The following SAMD5 variants were observed in gnomAD, a reference collection of about 807,000 sequenced individuals.
SAMD5 encodes sterile alpha motif domain containing 5, also known as sterile alpha motif domain-containing protein 5.
Under a neutral mutation model 11.3 loss-of-function variants are expected in SAMD5, and 13 were observed. The observed-to-expected ratio is 1.15, with a 90% confidence interval of 0.75 to 1.83. The LOEUF (loss-of-function observed/expected upper bound fraction) is 1.83, where lower values mean the gene tolerates loss of function less well. Among genes scored for constraint, SAMD5 ranks in the 40% most tolerant of loss-of-function variants. SAMD5 has a pLI of 0.00. For synonymous variants in SAMD5, 129 were observed against 111.3 expected, an observed-to-expected ratio of 1.16 and a Z score of -1.00; for missense variants, 255 against 239.1, an observed-to-expected ratio of 1.07 and a Z score of -0.44.
rs560170776 is a variant in SAMD5 at position 147,678,106 on chromosome 6, A to C, written c.163-59211A>C. Among the ~76,000 whole-genome samples the C allele has an allele frequency of 9.2e-5, 14 of 152,302 alleles. No individual in the cohort carries two copies. In the South Asian group the frequency reaches 2.7e-3, roughly 29 times the overall value. ...ATATTTATAGATGCATTTTCCCATA[A>C]GATTGTCTTATTTTATACGCCTGAC... On this transcript the variant is annotated intron_variant, in intron 1 of 1. Coordinates refer to the SAMD5 transcript ENST00000566741.
At chr6:147,831,339 G>A in the SAMD5 span, among the ~76,000 whole-genome samples, 4 of 152,186 alleles carry the variant, frequency 2.6e-5, no homozygotes, top group Admixed American at 6.5e-5. Context: ...GTATATTTGA[G>A]CATATGTGAA....
chr6:147,628,625 T>C (rs1790093497), intron 1 of SAMD5, among the ~76,000 whole-genome samples: 2 of 152,172 alleles, frequency 1.3e-5, no homozygotes, highest in Non-Finnish European at 2.9e-5. Context: ...AAATCAATGC[T>C]TTTCAACAAT....
chr6:147,947,886 C>A, the SAMD5 span, among the ~76,000 whole-genome samples: 59 of 151,908 alleles, frequency 3.9e-4, no homozygotes, highest in Non-Finnish European at 6.3e-4. Context: ...CATAAAACTC[C>A]AGATAGAGGC....
chr6:147,643,112 C>T (rs1431978759), intron 1 of SAMD5, among the ~76,000 whole-genome samples: 1 of 152,124 alleles, frequency 6.6e-6, no homozygotes, highest in African/African-American at 2.4e-5. Flanking sequence ...CACTTTGACC[C>T]CTCTCTTTGA....
chr6:147,699,819 G>A (rs1371795028), intron 1 of SAMD5, among the ~76,000 whole-genome samples: 1 of 152,206 alleles, frequency 6.6e-6, no homozygotes, highest in African/African-American at 2.4e-5. Context: ...AGGGTACTAT[G>A]AAGCTGCTGT....
chr6:147,519,455 G>A (rs191060174), intron 1 of SAMD5, among the ~76,000 whole-genome samples: 83 of 152,228 alleles, frequency 5.5e-4, no homozygotes, highest in Non-Finnish European at 9.4e-4. Flanking sequence ...AACAGAATTT[G>A]CATTTACCAA....
Position 147,565,128 on chromosome 6 carries a change from T to C in SAMD5, c.*672T>C. On this transcript the variant is annotated 3_prime_UTR_variant, in exon 2 of 2. Coordinates refer to ENST00000367474, the MANE Select transcript of SAMD5 (RefSeq NM_001030060.3). ...CTTTTTAAATTTAATCTGGCTGAGG[T>C]TTAGTATTAGGACTAATACAAGTGT... 1 of 984,582 alleles carries C rather than the reference T, an allele frequency of 1.0e-6. No individual in the cohort carries two copies. Among genetic ancestry groups the C allele is most frequent in the South Asian group, 4.7e-5 (1 of 21,260 alleles). 61.0% of individuals were successfully genotyped at this position (984,582 alleles called of 1,614,324 possible).
intron 1 of SAMD5, among the ~76,000 whole-genome samples, chr6:147,628,403 A>G (rs1438334075): frequency 2.6e-5 from 4 of 152,216 alleles, no homozygotes; most frequent in East Asian, 1.9e-4. Flanking sequence ...CCAACCTAGT[A>G]TAAGACAGAC....
chr6:147,549,549 T>A (rs1305217041), intron 1 of SAMD5, among the ~76,000 whole-genome samples: 1 of 152,160 alleles, frequency 6.6e-6, no homozygotes, highest in Non-Finnish European at 1.5e-5. Flanking sequence ...CTGGAAAGGT[T>A]TTCCATAATA....
chr6:147,851,568 G>A, the SAMD5 span, among the ~76,000 whole-genome samples: 1 of 152,154 alleles, frequency 6.6e-6, no homozygotes, highest in Non-Finnish European at 1.5e-5. Flanking sequence ...AGAGTACGAA[G>A]TGGTCATGTT....
At chr6:147,736,161 G>T (rs1791800359) in intron 1 of SAMD5, among the ~76,000 whole-genome samples, 1 of 152,116 alleles carries the variant, frequency 6.6e-6, no homozygotes, top group Non-Finnish European at 1.5e-5. Flanking sequence ...GTGTGTCTCT[G>T]TTTCCTCATC....
chr6:147,748,402 A>G, the SAMD5 span, among the ~76,000 whole-genome samples: 1 of 152,206 alleles, frequency 6.6e-6, no homozygotes, highest in Non-Finnish European at 1.5e-5. Flanking sequence ...TGCCAAGGAA[A>G]TAGTAATAAT....
At chr6:147,575,317 T>C (rs55647502) in intron 1 of SAMD5, among the ~76,000 whole-genome samples, 14,729 of 152,338 alleles carry the variant, frequency 0.097, 898 homozygotes, top group Middle Eastern at 0.16. Context: ...ATTTATATGC[T>C]GGAACTTTCT....
the SAMD5 span, among the ~76,000 whole-genome samples, chr6:147,926,419 C>T: frequency 6.6e-6 from 1 of 152,106 alleles, no homozygotes; most frequent in African/African-American, 2.4e-5. Flanking sequence ...TTTTGATTTG[C>T]ATTTTTCTAA....
chr6:147,905,322 C>T, the SAMD5 span, among the ~76,000 whole-genome samples: 1 of 152,142 alleles, frequency 6.6e-6, no homozygotes, highest in Non-Finnish European at 1.5e-5. Context: ...GCTGGGATTA[C>T]AGGCGTGTGC....
chr6:147,576,171 A>C (rs1206450800), intron 1 of SAMD5, among the ~76,000 whole-genome samples: 2 of 146,958 alleles, frequency 1.4e-5, no homozygotes, highest in Non-Finnish European at 3.0e-5. Flanking sequence ...ATGGAGTCTT[A>C]CTCCTGTTGC....
chr6:147,628,296 T>C (rs2128451037), intron 1 of SAMD5, among the ~76,000 whole-genome samples: 1 of 152,358 alleles, frequency 6.6e-6, no homozygotes, highest in East Asian at 1.9e-4. Context: ...TGTTCATTTT[T>C]AAAGGATCTG....
chr6:147,948,511 C>T, the SAMD5 span, among the ~76,000 whole-genome samples: 11,707 of 152,016 alleles, frequency 0.077, 621 homozygotes, highest in Non-Finnish European at 0.12. Context: ...TTATTGGTTC[C>T]GTTAGAAGTA....
chr6:147,851,746 A>G, the SAMD5 span, among the ~76,000 whole-genome samples: 1 of 152,168 alleles, frequency 6.6e-6, no homozygotes, highest in East Asian at 1.9e-4. Flanking sequence ...GAGAGTACTG[A>G]TAGATAATTA....
Sources: gnomAD v4.1 joint callset for allele counts (sites outside exome capture counted in the v4.1 genomes callset) on GRCh38, gnomAD v4.1.1 for gene constraint, MANE v1.5 for transcripts, NCBI Gene and HGNC (gene_info 2026-07-23, HGNC 2026-07-21) for gene names.